Variants in CTDSPL2 observed in about 807,000 individuals in gnomAD.
CTDSPL2 encodes the protein CTD small phosphatase-like protein 2.
In CTDSPL2, 5 loss-of-function variants were observed where a neutral mutation model predicts 60.0. The ratio of observed to expected loss-of-function variants is 0.08; its 90% CI spans 0.04 to 0.18. The LOEUF is 0.18. Ranked by LOEUF, CTDSPL2 falls within the 10% of genes least tolerant of loss-of-function variation. The pLI is 1.00. For missense variants in CTDSPL2, 370 were observed against 548.8 expected, an observed-to-expected ratio of 0.67 and a Z score of 3.26; for synonymous variants, 186 against 189.3, an observed-to-expected ratio of 0.98 and a Z score of 0.14.
At chr15:44,490,504 T>A (rs984812100) in intron 4 of CTDSPL2, among the ~76,000 whole-genome samples, 2 of 152,168 alleles carry the variant, frequency 1.3e-5, no homozygotes, top group African/African-American at 4.8e-5. Flanking sequence ...TTCTCATGAT[T>A]AGGGGAACAG....
At chr15:44,495,354 C>T (rs192581385) in intron 5 of CTDSPL2, among the ~76,000 whole-genome samples, 2,826 of 150,748 alleles carry the variant, frequency 0.019, 37 homozygotes, top group Middle Eastern at 0.047. Context: ...AGGCCGAGGC[C>T]GGTGGATCAT....
chr15:44,488,355 G>C (rs1466446949), intron 4 of CTDSPL2, among the ~76,000 whole-genome samples: 1 of 152,038 alleles, frequency 6.6e-6, no homozygotes, highest in East Asian at 1.9e-4. Flanking sequence ...AAGGATCAGA[G>C]GATAGAAAAT....
intron 5 of CTDSPL2, among the ~76,000 whole-genome samples, chr15:44,495,278 T>G (rs2081279525): frequency 6.6e-6 from 1 of 152,114 alleles, no homozygotes; most frequent in African/African-American, 2.4e-5. Flanking sequence ...CTGCATTTCT[T>G]AATTTTTTAA....
At position 44,506,412 on chromosome 15, in the gene CTDSPL2, C is replaced by CTTTTTTTTTTTTT. The variant is rs764238056; in HGVS notation, c.969+6608_969+6620dup. ...TAAGCTTCATTTTATCCTACTTTGA[C>CTTTTTTTTTTTTT]TTTTTTTTTTTTTTTTTTTTTGGAG... On this transcript the variant is annotated intron_variant, in intron 8 of 12. Coordinates refer to ENST00000260327, the MANE Select transcript of CTDSPL2 (RefSeq NM_016396.3). 1.5e-4 allele frequency among the ~76,000 whole-genome samples: 17 copies of CTTTTTTTTTTTTT among 112,390 alleles called. 1 individual carries two copies. Among genetic ancestry groups the CTTTTTTTTTTTTT allele is most frequent in the African/African-American group, 3.7e-4 (10 of 27,378 alleles). 73.7% of individuals were successfully genotyped at this position (112,390 alleles called of 152,430 possible).
intron 1 of CTDSPL2, among the ~76,000 whole-genome samples, chr15:44,455,696 T>C (rs2080420759): frequency 6.6e-6 from 1 of 152,202 alleles, no homozygotes; most frequent in Admixed American, 6.5e-5. Context: ...TTTTTGTCTT[T>C]GGTTCTGTTT....
At chr15:44,431,748 C>T (rs1285183525) in intron 1 of CTDSPL2, among the ~76,000 whole-genome samples, 12 of 130,618 alleles carry the variant, frequency 9.2e-5, no homozygotes, top group Non-Finnish European at 1.4e-4. Flanking sequence ...GACAGAGTTT[C>T]GCTCTTGTTC....
intron 5 of CTDSPL2, among the ~76,000 whole-genome samples, chr15:44,494,870 C>G (rs1379332727): frequency 6.7e-6 from 1 of 150,018 alleles, no homozygotes; most frequent in African/African-American, 2.5e-5. Flanking sequence ...GAGCCCAGAT[C>G]GCGCCACTGC....
At chr15:44,429,203 A>C (rs1416292331) in intron 1 of CTDSPL2, among the ~76,000 whole-genome samples, 1 of 152,222 alleles carries the variant, frequency 6.6e-6, no homozygotes, top group Non-Finnish European at 1.5e-5. Flanking sequence ...AAGGTCATAA[A>C]GAAAGTCAAG....
intron 1 of CTDSPL2, among the ~76,000 whole-genome samples, chr15:44,432,708 C>T (rs1424901850): frequency 1.3e-5 from 2 of 152,018 alleles, no homozygotes; most frequent in African/African-American, 2.4e-5. Flanking sequence ...CAACCTCTGC[C>T]TCCCAGATTC....
At chr15:44,517,876 T>C (rs2081685835) in intron 10 of CTDSPL2, among the ~76,000 whole-genome samples, 1 of 152,254 alleles carries the variant, frequency 6.6e-6, no homozygotes. Context: ...ATTTACTTAG[T>C]CTTTTTTGTT....
At chr15:44,491,819 G>A (rs1021730855) in intron 5 of CTDSPL2, among the ~76,000 whole-genome samples, 9 of 152,152 alleles carry the variant, frequency 5.9e-5, no homozygotes, top group African/African-American at 1.9e-4. Flanking sequence ...GGCCAAGGCA[G>A]GAGGGTTGCT....
chr15:44,474,667 C>T (rs2080879870), intron 2 of CTDSPL2, among the ~76,000 whole-genome samples: 1 of 151,762 alleles, frequency 6.6e-6, no homozygotes, highest in South Asian at 2.1e-4. Context: ...ACCAGCCTGG[C>T]CAACATAGTG....
chr15:44,459,221 T>A (rs2080511323), intron 2 of CTDSPL2, 21 bp downstream of exon 2: 1 of 1,551,122 alleles, frequency 6.4e-7, no homozygotes, highest in Non-Finnish European at 8.7e-7. Context: ...TACCATATAC[T>A]TTCATATCAT....
intron 1 of CTDSPL2, among the ~76,000 whole-genome samples, chr15:44,442,928 G>A (rs2080121911): frequency 6.6e-6 from 1 of 151,794 alleles, no homozygotes; most frequent in South Asian, 2.1e-4. Context: ...AGTAAGTGGT[G>A]AACCTGCCGC....
rs79862580 is a variant in CTDSPL2 at position 44,432,353 on chromosome 15, T to G, written c.-25+4581T>G. ...ATTATTATTTGAGATGAAGTCTTGCTCTGTCGCCCAGGCTGGAGTGCAGTG... is the reference window on the plus strand; with the variant it reads ...ATTATTATTTGAGATGAAGTCTTGCGCTGTCGCCCAGGCTGGAGTGCAGTG... On this transcript the variant is annotated intron_variant, in intron 1 of 12. Transcript: ENST00000260327. Among the ~76,000 whole-genome samples, 70 of 151,976 alleles carry G rather than the reference T, an allele frequency of 4.6e-4. 1 individual carries two copies. The East Asian group carries it at 0.012, about 26-fold the overall frequency.
intron 3 of CTDSPL2, among the ~76,000 whole-genome samples, chr15:44,486,214 T>G (rs2081116335): frequency 1.3e-5 from 2 of 152,238 alleles, no homozygotes; most frequent in African/African-American, 4.8e-5. Flanking sequence ...TATTTGTGTT[T>G]TAGTTGGTGG....
intron 1 of CTDSPL2, chr15:44,449,399 C>T (rs2080288360): frequency 6.5e-6 from 1 of 152,744 alleles, no homozygotes; most frequent in South Asian, 2.0e-4. Flanking sequence ...CGGCTCACTG[C>T]AACTTTTGCC....
intron 1 of CTDSPL2, among the ~76,000 whole-genome samples, chr15:44,444,751 G>T (rs572390292): frequency 1.9e-4 from 25 of 133,842 alleles, no homozygotes; most frequent in Admixed American, 6.1e-4. Flanking sequence ...TTTTTTTGGC[G>T]TTTAGATATA....
chr15:44,453,773 G>A (rs1188896342), intron 1 of CTDSPL2, among the ~76,000 whole-genome samples: 4 of 152,052 alleles, frequency 2.6e-5, no homozygotes, highest in Admixed American at 1.3e-4. Flanking sequence ...TTTTATGGCT[G>A]CATAGTATTC....
Sources: allele counts gnomAD v4.1 joint callset (sites outside exome capture counted in the v4.1 genomes callset), GRCh38; gene constraint gnomAD v4.1.1; transcripts MANE v1.5; gene names NCBI Gene and HGNC (gene_info 2026-07-23, HGNC 2026-07-21).